HCLS1: variants seen among roughly 807,000 people sequenced by gnomAD.
HCLS1 encodes hematopoietic lineage cell-specific protein.
Under a neutral mutation model 68.6 loss-of-function variants are expected in HCLS1, and 44 were observed. The ratio of observed to expected loss-of-function variants is 0.64; its 90% CI spans 0.50 to 0.82. The LOEUF (loss-of-function observed/expected upper bound fraction) is 0.82, where lower values mean the gene tolerates loss of function less well. Ranked by LOEUF, HCLS1 falls within the 40% of genes least tolerant of loss-of-function variation. HCLS1 has a pLI of 0.00. For missense variants in HCLS1, 602 were observed against 612.1 expected, an observed-to-expected ratio of 0.98 and a Z score of 0.17; for synonymous variants, 217 against 225.8, an observed-to-expected ratio of 0.96 and a Z score of 0.35.
At chr3:121,648,826 C>T (rs1937666083) in intron 3 of HCLS1, among the ~76,000 whole-genome samples, 1 of 152,148 alleles carries the variant, frequency 6.6e-6, no homozygotes, top group African/African-American at 2.4e-5. Context: ...CCCATGCCTC[C>T]TCTAAACTCT....
At position 121,635,805 on chromosome 3, in the gene HCLS1, C is replaced by G; in HGVS notation, c.622-1G>C. ...CCATTTCATTGAAGCCGACAGCGCT[C>G]TGCAGGCAGGAGAACAGCATGTGTG... On this transcript the variant is annotated splice_acceptor_variant, in intron 8 of 13. Coordinates refer to ENST00000314583, the MANE Select transcript of HCLS1 (RefSeq NM_005335.6). LOFTEE classifies it high-confidence loss of function. The G allele has an allele frequency of 1.9e-6, 3 of 1,613,896 alleles. No individual in the cohort carries two copies. Among genetic ancestry groups the G allele is most frequent in the Non-Finnish European group, 2.5e-6 (3 of 1,179,918 alleles).
At chr3:121,635,841 G>A (rs752267901) in intron 8 of HCLS1, 37 bp from the exon 9 acceptor site, 19 of 1,577,830 alleles carry the variant, frequency 1.2e-5, no homozygotes, top group Non-Finnish European at 1.7e-5. Context: ...TTGCGGGAGA[G>A]GGGCAAGGGT....
intron 6 of HCLS1, among the ~76,000 whole-genome samples, 198 bp from the exon 7 acceptor site, chr3:121,637,454 C>T (rs534874861): frequency 2.2e-4 from 34 of 152,110 alleles, no homozygotes; most frequent in Non-Finnish European, 4.6e-4. Context: ...TTTTCCCTCT[C>T]TTCTCTCATT....
chr3:121,633,221 CTTTT>C, intron 10 of HCLS1, 50 bp from the exon 11 acceptor site: 2 of 976,346 alleles, frequency 2.0e-6, no homozygotes, highest in Non-Finnish European at 3.0e-6. Flanking sequence ...ATCTTCACTC[CTTTT>C]TTTTTTTTGA....
chr3:121,655,288 G>C (rs930797019), intron 3 of HCLS1, among the ~76,000 whole-genome samples: 2 of 152,042 alleles, frequency 1.3e-5, no homozygotes, highest in Non-Finnish European at 2.9e-5. Context: ...TTTTAGAAAG[G>C]AAATCTGATT....
rs564523171 is a variant in HCLS1 at position 121,648,343 on chromosome 3, T to C, written c.159-895A>G. Among the ~76,000 whole-genome samples, 5 of 152,330 alleles carry C rather than the reference T, an allele frequency of 3.3e-5. No homozygotes were observed. The South Asian group carries it at 6.2e-4, about 19-fold the overall frequency. ...CTTACTTCACACCCACTTCCATCTT[T>C]ACCATGAAGGTGACTGCAACAATTA... On this transcript the variant is annotated intron_variant, in intron 3 of 13. Transcript: ENST00000314583.
At chr3:121,641,937 C>G (rs966273125) in intron 6 of HCLS1, among the ~76,000 whole-genome samples, 6 of 149,280 alleles carry the variant, frequency 4.0e-5, no homozygotes, top group African/African-American at 9.9e-5. Context: ...AAAATTAGCC[C>G]GGCGTAGTGG....
chr3:121,647,951 C>T (rs889320159), intron 3 of HCLS1, among the ~76,000 whole-genome samples: 3 of 152,054 alleles, frequency 2.0e-5, no homozygotes, highest in Non-Finnish European at 4.4e-5. Context: ...ATTGAAGCAT[C>T]GTATATAATA....
chr3:121,650,943 C>T (rs1253189110), intron 3 of HCLS1, among the ~76,000 whole-genome samples: 16 of 152,114 alleles, frequency 1.1e-4, no homozygotes. Context: ...CAAGACCAGC[C>T]TAGCCACTAT....
rs200847413 is a variant in HCLS1 at position 121,632,120 on chromosome 3, A to C, written c.1305T>G (p.Ala435=). ...GAVALGISAV[A]VYDYQGEGSD... ...ACCTACCTCCTTGGTAATCATATACAGCCACAGCTGAGATCCCCAGAGCCA... is the reference window on the plus strand; with the variant it reads ...ACCTACCTCCTTGGTAATCATATACCGCCACAGCTGAGATCCCCAGAGCCA... Residue 435 remains alanine (A), a synonymous_variant, in exon 13 of 14, where the codon GCT becomes GCG. Coordinates refer to ENST00000314583, the MANE Select transcript of HCLS1 (RefSeq NM_005335.6). 1.9e-6 allele frequency: 3 copies of C among 1,613,664 alleles called. No individual in the cohort carries two copies. In the South Asian group the frequency reaches 3.3e-5, roughly 18 times the overall value.
intron 1 of HCLS1, among the ~76,000 whole-genome samples, chr3:121,658,557 C>G (rs1023335691): frequency 2.0e-5 from 3 of 151,960 alleles, no homozygotes; most frequent in Non-Finnish European, 1.5e-5. Context: ...TTAATCAAGA[C>G]GAATTGATGT....
chr3:121,634,020 G>T (rs2049125535), intron 10 of HCLS1, among the ~76,000 whole-genome samples, 187 bp downstream of exon 10: 1 of 152,206 alleles, frequency 6.6e-6, no homozygotes, highest in Non-Finnish European at 1.5e-5. Context: ...AATCTTGAGG[G>T]TTTTTTCTAA....
At chr3:121,646,268 A>T (rs2049246838) in intron 4 of HCLS1, among the ~76,000 whole-genome samples, 1 of 113,020 alleles carries the variant, frequency 8.8e-6, no homozygotes, top group East Asian at 2.4e-4. Context: ...ATAAAAATAT[A>T]TAATATATAT....
intron 12 of HCLS1, 21 bp from the exon 13 acceptor site, chr3:121,632,205 AC>A (rs1362511700): frequency 6.2e-7 from 1 of 1,612,400 alleles, no homozygotes; most frequent in South Asian, 1.1e-5. Context: ...AGAAACACAA[AC>A]ATGGGATCAT....
chr3:121,645,001 G>A lies in HCLS1; in HGVS notation c.289-73C>T, dbSNP rs766043455. On this transcript the variant is annotated intron_variant, in intron 4 of 13. Coordinates refer to ENST00000314583, the MANE Select transcript of HCLS1 (RefSeq NM_005335.6). The stretch of plus-strand genomic sequence containing the variant: ...AAAAAAATAAATACAGATATGGAGT[G>A]GGATGTAGGCATGTAAGAAATTCCA... 215 of 1,143,708 alleles carry A rather than the reference G, an allele frequency of 1.9e-4. 1 individual carries two copies. The highest frequency in any genetic ancestry group is 2.5e-4 in the Non-Finnish European group (192 of 759,686). 70.8% of individuals were successfully genotyped at this position (1,143,708 alleles called of 1,614,324 possible).
chr3:121,643,492 G>A (rs2049219453), intron 5 of HCLS1: 1 of 154,822 alleles, frequency 6.5e-6, no homozygotes. Flanking sequence ...CTCATGAAGA[G>A]ACATTACCCT....
chr3:121,658,171 T>C, intron 2 of HCLS1, 93 bp downstream of exon 2: 4 of 968,604 alleles, frequency 4.1e-6, no homozygotes, highest in Non-Finnish European at 6.6e-6. Flanking sequence ...TAGAAGGCCC[T>C]TTTCCAAGCA....
intron 4 of HCLS1, among the ~76,000 whole-genome samples, 180 bp downstream of exon 4, chr3:121,647,139 G>A (rs11707716): frequency 0.22 from 33,230 of 150,976 alleles, 4,201 homozygotes; most frequent in Non-Finnish European, 0.29. Flanking sequence ...CCACCACGAC[G>A]CACGGCTAAT....
At chr3:121,658,451 ATTT>A in intron 1 of HCLS1, 104 bp from the exon 2 acceptor site, 1 of 775,558 alleles carries the variant, frequency 1.3e-6, no homozygotes, top group Non-Finnish European at 2.1e-6. Context: ...ATTTCCTGCC[ATTT>A]TTTTTTTCTT....
Sources: allele counts gnomAD v4.1 joint callset (sites outside exome capture counted in the v4.1 genomes callset), GRCh38; gene constraint gnomAD v4.1.1; transcripts MANE v1.5; gene names NCBI Gene and HGNC (gene_info 2026-07-23, HGNC 2026-07-21).